Variants in CBFB observed in about 807,000 individuals in gnomAD.
CBFB encodes the protein core-binding factor subunit beta.
Under a neutral mutation model 30.4 loss-of-function variants are expected in CBFB, and 9 were observed. That is an observed-to-expected ratio of 0.30 (90% CI 0.18 to 0.52). CBFB has a LOEUF of 0.52. Among genes scored for constraint, CBFB ranks in the 20% least tolerant of loss-of-function variants. The pLI is 0.97. For missense variants in CBFB, 170 were observed against 244.0 expected, an observed-to-expected ratio of 0.70 and a Z score of 2.02; for synonymous variants, 94 against 84.0, an observed-to-expected ratio of 1.12 and a Z score of -0.65.
chr16:67,034,234 AAG>A (rs1966405512), intron 2 of CBFB, among the ~76,000 whole-genome samples: 1 of 152,232 alleles, frequency 6.6e-6, no homozygotes, highest in Admixed American at 6.5e-5. Flanking sequence ...CTGTGGTGAG[AAG>A]AGTAAAAACT....
At chr16:67,035,072 G>C (rs773743865) in intron 2 of CBFB, among the ~76,000 whole-genome samples, 1 of 151,750 alleles carries the variant, frequency 6.6e-6, no homozygotes, top group Non-Finnish European at 1.5e-5. Flanking sequence ...GTAGTACATG[G>C]GAAGTTTTTT....
At chr16:67,074,403 A>G (rs1312622737) in intron 4 of CBFB, among the ~76,000 whole-genome samples, 4 of 133,022 alleles carry the variant, frequency 3.0e-5, no homozygotes, top group Admixed American at 2.9e-4. Flanking sequence ...TTTTTTTTTG[A>G]GACAGAGTCT....
intron 4 of CBFB, among the ~76,000 whole-genome samples, chr16:67,078,570 C>A (rs1961470334): frequency 6.6e-6 from 1 of 152,080 alleles, no homozygotes; most frequent in Admixed American, 6.6e-5. Flanking sequence ...AAGAAAAGAT[C>A]AAAACAGAAG....
chr16:67,030,680 A>C (rs934365553), intron 2 of CBFB, among the ~76,000 whole-genome samples: 2 of 152,064 alleles, frequency 1.3e-5, no homozygotes, highest in African/African-American at 4.8e-5. Flanking sequence ...GGTCACTGCA[A>C]CCTTCGCCTC....
chr16:67,069,031 A>G (rs772179784), intron 4 of CBFB, among the ~76,000 whole-genome samples: 3 of 152,182 alleles, frequency 2.0e-5, no homozygotes, highest in Non-Finnish European at 4.4e-5. Flanking sequence ...CCTGGCTAAC[A>G]TGGTGAAACC....
chr16:67,065,183 G>T (rs987535156), intron 3 of CBFB, among the ~76,000 whole-genome samples: 2 of 152,230 alleles, frequency 1.3e-5, no homozygotes, highest in Non-Finnish European at 2.9e-5. Flanking sequence ...ACAGGCATCA[G>T]CCACCGCGCC....
chr16:67,069,957 C>A (rs753244133), intron 4 of CBFB, among the ~76,000 whole-genome samples: 3 of 152,060 alleles, frequency 2.0e-5, no homozygotes, highest in Admixed American at 6.5e-5. Context: ...CCACTGCACT[C>A]AAGCCTAAGT....
At chr16:67,036,080 T>C (rs1329714772) in intron 2 of CBFB, among the ~76,000 whole-genome samples, 1 of 152,178 alleles carries the variant, frequency 6.6e-6, no homozygotes, top group Non-Finnish European at 1.5e-5. Context: ...AAAGACATAT[T>C]TTTAAAAATC....
chr16:67,057,778 T>G lies in CBFB; in HGVS notation c.283-8904T>G, dbSNP rs180885530. Among the ~76,000 whole-genome samples the G allele has an allele frequency of 2.0e-3, 303 of 152,350 alleles. 2 individuals are homozygous for G. The highest frequency in any genetic ancestry group is 6.9e-3 in the African/African-American group (287 of 41,566). On this transcript the variant is annotated intron_variant, in intron 3 of 5. Coordinates refer to ENST00000412916, the MANE Select transcript of CBFB (RefSeq NM_022845.3). ...GTTAAATAAAATATCCTTTTACTATTGATTTTAAGTGTTGCCTTTTTCATA... is the reference window on the plus strand; with the variant it reads ...GTTAAATAAAATATCCTTTTACTATGGATTTTAAGTGTTGCCTTTTTCATA...
chr16:67,080,137 G>A (rs1179777734), intron 4 of CBFB, among the ~76,000 whole-genome samples: 4 of 152,140 alleles, frequency 2.6e-5, no homozygotes, highest in Admixed American at 6.6e-5. Flanking sequence ...AGTGTGTGAC[G>A]GCAAAGGCCA....
At chr16:67,034,968 A>T (rs145050003) in intron 2 of CBFB, among the ~76,000 whole-genome samples, 143 of 152,046 alleles carry the variant, frequency 9.4e-4, no homozygotes, top group African/African-American at 3.3e-3. Flanking sequence ...AAACTGAATT[A>T]TGCTTCAGGT....
At chr16:67,061,428 TAAGG>T (rs1318274165) in intron 3 of CBFB, among the ~76,000 whole-genome samples, 5 of 152,344 alleles carry the variant, frequency 3.3e-5, no homozygotes, top group African/African-American at 9.6e-5. Context: ...AAGTTTGAAA[TAAGG>T]AATCATTTTC....
chr16:67,056,683 G>C (rs1328708423), intron 3 of CBFB, among the ~76,000 whole-genome samples: 1 of 147,436 alleles, frequency 6.8e-6, no homozygotes, highest in Non-Finnish European at 1.5e-5. Flanking sequence ...ATTCTAGCAG[G>C]CTTTTTTTTT....
In CBFB at chr16:67,029,449, C is replaced by T. The variant is rs1306600174; in HGVS notation, c.42C>T (p.Asn14=). Residue 14 remains asparagine, a synonymous_variant, in exon 1 of 6, where the codon AAC becomes AAT. Transcript: ENST00000412916. ...VVPDQRSKFE[N]EEFFRKLSRE... is the part of the protein sequence containing the mutation. ...CCGACCAGAGAAGCAAGTTCGAGAA[C>T]GAGGAGTTTTTTAGGAAGCTGAGCC... The T allele has an allele frequency of 3.1e-6, 5 of 1,591,134 alleles. No homozygotes were observed. Among genetic ancestry groups the T allele is most frequent in the South Asian group, 2.3e-5 (2 of 88,232 alleles).
At chr16:67,044,478 G>A (rs750353422) in intron 3 of CBFB, among the ~76,000 whole-genome samples, 7 of 152,084 alleles carry the variant, frequency 4.6e-5, no homozygotes, top group Non-Finnish European at 8.8e-5. Flanking sequence ...TATTTATTAA[G>A]TATATGTCAT....
intron 3 of CBFB, among the ~76,000 whole-genome samples, chr16:67,052,899 G>T (rs2145733228): frequency 6.6e-6 from 1 of 151,692 alleles, no homozygotes; most frequent in African/African-American, 2.4e-5. Context: ...GGAAATCAAG[G>T]TTGCAGTGAG....
chr16:67,063,994 G>T lies in CBFB; in HGVS notation c.283-2688G>T, dbSNP rs148833321. Among the ~76,000 whole-genome samples, 22 of 152,206 alleles carry T rather than the reference G, an allele frequency of 1.4e-4. No individual in the cohort carries two copies. In the East Asian group the frequency reaches 3.9e-3, roughly 27 times the overall value. ...CCAGATTTTAGCTCACAAAGCACTG[G>T]ATTTCCCAAAGGAAATACATTTGGT... On this transcript the variant is annotated intron_variant, in intron 3 of 5. Coordinates refer to ENST00000412916, the MANE Select transcript of CBFB (RefSeq NM_022845.3).
chr16:67,064,828 GTTGT>G (rs1023526056), intron 3 of CBFB, among the ~76,000 whole-genome samples: 3 of 151,248 alleles, frequency 2.0e-5, no homozygotes, highest in Non-Finnish European at 4.4e-5. Context: ...GTTTTTTGTT[GTTGT>G]TTTTTATTGT....
intron 5 of CBFB, among the ~76,000 whole-genome samples, chr16:67,095,582 A>G (rs187623990): frequency 1.3e-5 from 2 of 151,902 alleles, no homozygotes; most frequent in Middle Eastern, 3.4e-3. Context: ...TGGGAAGGTG[A>G]GGCAGGAGGA....
Sources: allele counts gnomAD v4.1 joint callset (sites outside exome capture counted in the v4.1 genomes callset), GRCh38; gene constraint gnomAD v4.1.1; transcripts MANE v1.5; gene names NCBI Gene and HGNC (gene_info 2026-07-23, HGNC 2026-07-21).